Variants in UBE2G1 observed in about 807,000 individuals in gnomAD.
The protein encoded by UBE2G1 is ubiquitin-conjugating enzyme E2 G1.
A neutral mutation model predicts 22.7 loss-of-function variants in UBE2G1; 5 were observed. The observed-to-expected ratio is 0.22, with a 90% confidence interval of 0.12 to 0.46. UBE2G1 has a LOEUF of 0.46. Ranked by LOEUF, UBE2G1 falls within the 20% of genes least tolerant of loss-of-function variation. UBE2G1 has a pLI of 0.99. For missense variants in UBE2G1, 88 were observed against 203.9 expected (o/e 0.43, Z 3.46); for synonymous variants, 74 against 67.5 (o/e 1.10, Z -0.47).
chr17:4,281,095 G>A (rs963874199), intron 5 of UBE2G1, among the ~76,000 whole-genome samples: 5 of 152,042 alleles, frequency 3.3e-5, no homozygotes, highest in African/African-American at 1.2e-4. Context: ...ATGCAAATCA[G>A]GAAACAAGGA....
chr17:4,274,449 G>T (rs996484684), intron 5 of UBE2G1, among the ~76,000 whole-genome samples: 3 of 151,958 alleles, frequency 2.0e-5, no homozygotes, highest in African/African-American at 7.3e-5. Flanking sequence ...TGCCTACCTC[G>T]GCCTCCCAAA....
chr17:4,296,559 T>G (rs1969114859), intron 3 of UBE2G1, among the ~76,000 whole-genome samples, 158 bp downstream of exon 3: 1 of 152,166 alleles, frequency 6.6e-6, no homozygotes, highest in Non-Finnish European at 1.5e-5. Context: ...TGGCCTCTCC[T>G]CCTTTTAAAG....
chr17:4,334,856 T>A (rs1413376338), intron 1 of UBE2G1, among the ~76,000 whole-genome samples: 1 of 152,058 alleles, frequency 6.6e-6, no homozygotes, highest in East Asian at 1.9e-4. Flanking sequence ...AAAGTTTTTT[T>A]TAAAAGAGGA....
rs944113956 is a variant in UBE2G1 at position 4,285,096 on chromosome 17, G to A, written c.427-2175C>T. On this transcript the variant is annotated intron_variant, in intron 4 of 5. Coordinates refer to ENST00000396981, the MANE Select transcript of UBE2G1 (RefSeq NM_003342.5). ...TAGCCTTAAGTAACTCACCTGCCTC[G>A]GCCTCCCAAAGTGCTGGGATTACAG... 3.9e-5 allele frequency among the ~76,000 whole-genome samples: 6 copies of A among 151,956 alleles called. No individual in the cohort carries two copies. In the South Asian group the frequency reaches 1.2e-3, roughly 32 times the overall value.
At chr17:4,318,887 A>G (rs1969405841) in intron 1 of UBE2G1, among the ~76,000 whole-genome samples, 1 of 152,232 alleles carries the variant, frequency 6.6e-6, no homozygotes. Context: ...TAATACATAT[A>G]AAAAACCAGA....
At chr17:4,299,699 C>T (rs1969151428) in intron 2 of UBE2G1, among the ~76,000 whole-genome samples, 1 of 152,162 alleles carries the variant, frequency 6.6e-6, no homozygotes, top group Non-Finnish European at 1.5e-5. Flanking sequence ...TTCACTCTAT[C>T]TGAAAATGGC....
chr17:4,350,458 CAAAAAAAACA>C (rs1258964160), intron 1 of UBE2G1, among the ~76,000 whole-genome samples: 7 of 149,830 alleles, frequency 4.7e-5, no homozygotes, highest in Admixed American at 1.3e-4. Flanking sequence ...GACCCTGTCT[CAAAAAAAACA>C]AAAAAGAACA....
chr17:4,280,300 G>A (rs1968871713), intron 5 of UBE2G1, among the ~76,000 whole-genome samples: 1 of 138,302 alleles, frequency 7.2e-6, no homozygotes. Context: ...GCTCCCACAA[G>A]TGCTAGGATT....
At chr17:4,301,304 T>C (rs1969176333) in intron 2 of UBE2G1, 1 of 423,440 alleles carries the variant, frequency 2.4e-6, no homozygotes, top group African/African-American at 2.0e-5. Flanking sequence ...TGCCAGGTCC[T>C]GGAGTTGTCA....
chr17:4,349,704 G>C (rs139216430), intron 1 of UBE2G1, among the ~76,000 whole-genome samples: 2 of 151,810 alleles, frequency 1.3e-5, no homozygotes, highest in African/African-American at 2.4e-5. Flanking sequence ...TTAGCCGGGC[G>C]TGGTGGCATG....
intron 1 of UBE2G1, among the ~76,000 whole-genome samples, chr17:4,309,722 A>G (rs1312467913): frequency 6.6e-6 from 1 of 152,232 alleles, no homozygotes; most frequent in Non-Finnish European, 1.5e-5. Flanking sequence ...AACACTGTAC[A>G]CAAGAGTCTT....
intron 5 of UBE2G1, among the ~76,000 whole-genome samples, chr17:4,274,044 G>A (rs1032322689): frequency 6.6e-5 from 10 of 151,662 alleles, no homozygotes; most frequent in Non-Finnish European, 1.3e-4. Flanking sequence ...GCAGTGGCGC[G>A]ATCTCGGCTC....
intron 2 of UBE2G1, 119 bp from the exon 3 acceptor site, chr17:4,296,933 T>C: frequency 2.5e-6 from 2 of 801,100 alleles, no homozygotes; most frequent in Admixed American, 5.0e-5. Flanking sequence ...AGTAAACAAA[T>C]AATCTGGATT....
At position 4,366,387 on chromosome 17, in the gene UBE2G1, G is replaced by A; in HGVS notation, c.-71C>T. ...TGGGGACAGGCTCTGGGGGCGGCTG[G>A]AGCGGGGTGTGCCGAGGAACCCGGG... On this transcript the variant is annotated 5_prime_UTR_variant, in exon 1 of 6. Transcript: ENST00000396981. The A allele has an allele frequency of 1.4e-6, 2 of 1,392,968 alleles. No homozygotes were observed. Among genetic ancestry groups the A allele is most frequent in the South Asian group, 3.2e-5 (2 of 62,396 alleles). The allele number at this position is 1,392,968 out of a possible 1,614,324, so 86.3% of individuals were successfully genotyped here.
intron 1 of UBE2G1, among the ~76,000 whole-genome samples, chr17:4,314,952 T>A (rs926836949): frequency 1.3e-5 from 2 of 152,246 alleles, no homozygotes; most frequent in Non-Finnish European, 2.9e-5. Context: ...AAACTTTTTT[T>A]AAATTTATGA....
chr17:4,318,099 A>G (rs1273449634), intron 1 of UBE2G1, among the ~76,000 whole-genome samples: 3 of 152,194 alleles, frequency 2.0e-5, no homozygotes, highest in Non-Finnish European at 4.4e-5. Flanking sequence ...CCTTATCAGT[A>G]AAGGATGGTA....
At chr17:4,312,097 A>T (rs1969316667) in intron 1 of UBE2G1, among the ~76,000 whole-genome samples, 1 of 151,818 alleles carries the variant, frequency 6.6e-6, no homozygotes, top group Admixed American at 6.6e-5. Flanking sequence ...AAAATACAAA[A>T]ATTAGCCGGG....
intron 1 of UBE2G1, among the ~76,000 whole-genome samples, chr17:4,336,999 C>T (rs886732715): frequency 6.6e-6 from 1 of 152,096 alleles, no homozygotes; most frequent in Admixed American, 6.6e-5. Flanking sequence ...GACAATGAAA[C>T]AATTAAGCTA....
At chr17:4,275,615 T>C (rs1968812391) in intron 5 of UBE2G1, among the ~76,000 whole-genome samples, 1 of 152,108 alleles carries the variant, frequency 6.6e-6, no homozygotes, top group Non-Finnish European at 1.5e-5. Flanking sequence ...TCTAAAAAAA[T>C]ATAAAACAGA....
Sources: allele counts gnomAD v4.1 joint callset (sites outside exome capture counted in the v4.1 genomes callset), GRCh38; gene constraint gnomAD v4.1.1; transcripts MANE v1.5; gene names NCBI Gene and HGNC (gene_info 2026-07-23, HGNC 2026-07-21).